PRKAR1B: variants seen among roughly 807,000 people sequenced by gnomAD.
PRKAR1B encodes cAMP-dependent protein kinase type I-beta regulatory subunit.
PRKAR1B carries 22 observed loss-of-function variants against 46.5 expected under a neutral mutation model. That is an observed-to-expected ratio of 0.47 (90% CI 0.34 to 0.68). The LOEUF is 0.68. Among genes scored for constraint, PRKAR1B ranks in the 30% least tolerant of loss-of-function variants. PRKAR1B has a pLI of 0.01. For missense variants in PRKAR1B, 445 were observed against 535.6 expected (o/e 0.83, Z 1.67); for synonymous variants, 259 against 217.7 (o/e 1.19, Z -1.67).
intron 7 of PRKAR1B, among the ~76,000 whole-genome samples, chr7:592,027 C>G (rs938473679): frequency 6.6e-6 from 1 of 152,218 alleles, no homozygotes; most frequent in Non-Finnish European, 1.5e-5. Context: ...CCCAGGCAGG[C>G]GGAGCAGGGG....
At chr7:556,515 C>G (rs555057126) in intron 9 of PRKAR1B, among the ~76,000 whole-genome samples, 16 of 152,218 alleles carry the variant, frequency 1.1e-4, no homozygotes, top group African/African-American at 2.7e-4. Context: ...GTCTTCCGCA[C>G]GGAGTCATTC....
chr7:691,397 C>T (rs948075660), intron 2 of PRKAR1B: 2 of 940,322 alleles, frequency 2.1e-6, no homozygotes, highest in Non-Finnish European at 3.0e-6. Context: ...TTCCAAATCC[C>T]CTGCCTGGTC....
rs72557544 is a variant in PRKAR1B at position 580,403 on chromosome 7, A to AC, written c.770-1027_770-1026insG. Among the ~76,000 whole-genome samples, 33 of 144,714 alleles carry AC rather than the reference A, an allele frequency of 2.3e-4. 1 individual carries two copies. Among genetic ancestry groups the AC allele is most frequent in the African/African-American group, 8.0e-4 (32 of 40,116 alleles). 94.9% of individuals were successfully genotyped at this position (144,714 alleles called of 152,430 possible). Reference sequence around the variant, plus strand: ...ACCCCATCTCTACTAAAATACAAAAAAAATAATAATAATACATGAATAACA... The same window carrying AC: ...ACCCCATCTCTACTAAAATACAAAAACAAATAATAATAATACATGAATAACA... On this transcript the variant is annotated intron_variant, in intron 8 of 10. Coordinates refer to ENST00000537384, the MANE Select transcript of PRKAR1B (RefSeq NM_001164760.2).
intron 7 of PRKAR1B, among the ~76,000 whole-genome samples, chr7:592,365 C>T (rs147247048): frequency 2.6e-3 from 389 of 152,352 alleles, no homozygotes; most frequent in Middle Eastern, 6.8e-3. Flanking sequence ...ATGGAGAAGC[C>T]GCGTCCCTTC....
At chr7:710,542 A>G (rs2128528448) in intron 2 of PRKAR1B, among the ~76,000 whole-genome samples, 1 of 151,840 alleles carries the variant, frequency 6.6e-6, no homozygotes, top group South Asian at 2.1e-4. Context: ...CCCCGACCAC[A>G]CGTGCCGAAG....
At chr7:591,029 T>C (rs1400958842) in intron 7 of PRKAR1B, among the ~76,000 whole-genome samples, 1 of 152,202 alleles carries the variant, frequency 6.6e-6, no homozygotes, top group Non-Finnish European at 1.5e-5. Context: ...TGAAAAATAA[T>C]TTATAATTCA....
intron 10 of PRKAR1B, 41 bp from the exon 11 acceptor site, chr7:550,643 C>T (rs1784123936): frequency 8.8e-6 from 13 of 1,480,972 alleles, no homozygotes; most frequent in Non-Finnish European, 1.1e-5. Flanking sequence ...GCCTGGGGGT[C>T]CTGAGGCTGC....
chr7:653,051 G>A (rs1028390467), intron 4 of PRKAR1B, among the ~76,000 whole-genome samples: 1 of 152,198 alleles, frequency 6.6e-6, no homozygotes, highest in Non-Finnish European at 1.5e-5. Flanking sequence ...CTTCCCCACT[G>A]CATGGTGGCT....
At chr7:598,519 T>TA (rs1363461130) in intron 6 of PRKAR1B, among the ~76,000 whole-genome samples, 1 of 92,834 alleles carries the variant, frequency 1.1e-5, no homozygotes, top group Non-Finnish European at 2.1e-5. Context: ...CCCTCCACAC[T>TA]AAACACCATC....
At chr7:552,524 G>A (rs148384541) in intron 9 of PRKAR1B, among the ~76,000 whole-genome samples, 9 of 150,070 alleles carry the variant, frequency 6.0e-5, no homozygotes, top group Middle Eastern at 3.4e-3. Flanking sequence ...CAGAGCCACT[G>A]CCACCACCAC....
intron 4 of PRKAR1B, among the ~76,000 whole-genome samples, chr7:642,247 G>A (rs1190153354): frequency 6.6e-6 from 1 of 152,156 alleles, no homozygotes; most frequent in African/African-American, 2.4e-5. Context: ...CATGGTGGAC[G>A]GGGGTGGAAG....
At chr7:690,694 G>A (rs1779363625) in intron 2 of PRKAR1B, among the ~76,000 whole-genome samples, 1 of 152,182 alleles carries the variant, frequency 6.6e-6, no homozygotes, top group Non-Finnish European at 1.5e-5. Flanking sequence ...AGTCCCAGAA[G>A]GAATGCCCCC....
chr7:580,091 C>T (rs188728013), intron 8 of PRKAR1B, among the ~76,000 whole-genome samples: 10 of 151,844 alleles, frequency 6.6e-5, no homozygotes, highest in South Asian at 6.3e-4. Context: ...ATTAGCCAGG[C>T]GTGGTGGTGT....
At chr7:605,037 C>T (rs929624847) in intron 6 of PRKAR1B, among the ~76,000 whole-genome samples, 3 of 152,218 alleles carry the variant, frequency 2.0e-5, no homozygotes, top group Non-Finnish European at 2.9e-5. Context: ...GTCATCACCA[C>T]GAGCCGCAGA....
At chr7:632,405 A>G (rs554798775) in intron 4 of PRKAR1B, among the ~76,000 whole-genome samples, 1 of 152,036 alleles carries the variant, frequency 6.6e-6, no homozygotes, top group Admixed American at 6.5e-5. Flanking sequence ...CTGCCCCCCA[A>G]CACAGCCCCC....
At chr7:615,949 A>G (rs554972983) in intron 4 of PRKAR1B, among the ~76,000 whole-genome samples, 2 of 152,120 alleles carry the variant, frequency 1.3e-5, no homozygotes, top group African/African-American at 4.8e-5. Flanking sequence ...AGAGAAAGAA[A>G]GAAAAATAAA....
chr7:664,233 G>C (rs1785778627), intron 4 of PRKAR1B, among the ~76,000 whole-genome samples: 1 of 152,208 alleles, frequency 6.6e-6, no homozygotes, highest in Non-Finnish European at 1.5e-5. Context: ...CAAGAATGGA[G>C]CCATGCCAGG....
chr7:726,915 C>G, intron 1 of PRKAR1B: 1 of 1,346,646 alleles, frequency 7.4e-7, no homozygotes, highest in Non-Finnish European at 9.5e-7. Flanking sequence ...CTGCCGCCGA[C>G]CCCACCGCTT....
intron 8 of PRKAR1B, among the ~76,000 whole-genome samples, chr7:580,519 C>T (rs923323805): frequency 1.3e-5 from 2 of 152,106 alleles, no homozygotes; most frequent in African/African-American, 4.8e-5. Flanking sequence ...TATGTTGCAA[C>T]ATTAAGGCAC....
Sources: allele counts gnomAD v4.1 joint callset (sites outside exome capture counted in the v4.1 genomes callset), GRCh38; gene constraint gnomAD v4.1.1; transcripts MANE v1.5; gene names NCBI Gene and HGNC (gene_info 2026-07-23, HGNC 2026-07-21).